The following KCNQ1 variants were observed in gnomAD, a reference collection of about 807,000 sequenced individuals.
The protein encoded by KCNQ1 is potassium voltage-gated channel subfamily KQT member 1.
A neutral mutation model predicts 72.4 loss-of-function variants in KCNQ1; 49 were observed. That is an observed-to-expected ratio of 0.68 (90% CI 0.54 to 0.86). The LOEUF (loss-of-function observed/expected upper bound fraction) is 0.86, where lower values mean the gene tolerates loss of function less well. Among genes scored for constraint, KCNQ1 ranks in the 40% least tolerant of loss-of-function variants. KCNQ1 has a pLI of 0.00. For missense variants in KCNQ1, 790 were observed against 945.1 expected (o/e 0.84, Z 2.15); for synonymous variants, 450 against 412.6 (o/e 1.09, Z -1.10).
rs1221864693 is a variant in KCNQ1, at chr11:2,598,270, T to C, written c.1393+9416T>C. 6.6e-6 allele frequency among the ~76,000 whole-genome samples: 1 copy of C among 152,176 alleles called. No individual in the cohort carries two copies. Among genetic ancestry groups the C allele is most frequent in the Non-Finnish European group, 1.5e-5 (1 of 68,020 alleles). Reference sequence around the variant, plus strand: ...CATTGCTTTCTTGATAGTTTTAATTTTGTGTTTTGATTTTTCTCTTTAGAG... The same window carrying C: ...CATTGCTTTCTTGATAGTTTTAATTCTGTGTTTTGATTTTTCTCTTTAGAG... On this transcript the variant is annotated intron_variant, in intron 10 of 15. Coordinates refer to ENST00000155840, the MANE Select transcript of KCNQ1 (RefSeq NM_000218.3). The surrounding 1 kb of genome is among the most constrained non-coding windows in gnomAD (Gnocchi z 6.2).
In KCNQ1 at chr11:2,547,902, C is replaced by T. The variant is rs745401591; in HGVS notation, c.477+19884C>T. On this transcript the variant is annotated intron_variant, in intron 2 of 15. Transcript: ENST00000155840. This position sits in a 1 kb window ranked among gnomAD's most constrained non-coding sequence, Gnocchi z 4.2. ...AGAGAGCATGGCACGTGCCAAGACC[C>T]GGATGGGGCGTGTGCCTGGCGCGGG... Among the ~76,000 whole-genome samples the T allele has an allele frequency of 1.2e-4, 19 of 152,176 alleles. 1 individual carries two copies. The highest frequency in any genetic ancestry group is 1.2e-3 in the South Asian group (6 of 4,830).
At chr11:2,770,278 C>G (rs575154525) in intron 12 of KCNQ1, among the ~76,000 whole-genome samples, 172 of 152,302 alleles carry the variant, frequency 1.1e-3, no homozygotes, top group African/African-American at 4.0e-3. Flanking sequence ...CAGACCCTGG[C>G]ACAGGCAGCC....
chr11:2,667,602 G>T (rs536625418), intron 11 of KCNQ1: 3 of 398,438 alleles, frequency 7.5e-6, no homozygotes, highest in Non-Finnish European at 1.3e-5. Context: ...TGGGCGGGGG[G>T]CACATCCCAT....
chr11:2,583,121 G>A (rs924160355), intron 6 of KCNQ1, among the ~76,000 whole-genome samples: 4 of 152,136 alleles, frequency 2.6e-5, no homozygotes, highest in East Asian at 1.9e-4. Flanking sequence ...GGACAGGCAG[G>A]CAGATGAGGC....
At chr11:2,523,354 C>T (rs1038820933) in intron 1 of KCNQ1, among the ~76,000 whole-genome samples, 3 of 152,102 alleles carry the variant, frequency 2.0e-5, no homozygotes, top group African/African-American at 4.8e-5. Flanking sequence ...CCACCACCCA[C>T]GCCCAGTTAA....
rs972225058 is a variant in KCNQ1, at chr11:2,471,122, A to G, written c.386+25638A>G. ...CTACCCGCCCTCACCACCCTGTATC[A>G]ACTCATCTCATCGATATCTCCCAAC... On this transcript the variant is annotated intron_variant, in intron 1 of 15. Transcript: ENST00000155840. The surrounding 1 kb of genome is among the most constrained non-coding windows in gnomAD (Gnocchi z 4.8). Among the ~76,000 whole-genome samples the G allele has an allele frequency of 2.0e-5, 3 of 150,930 alleles. No individual in the cohort carries two copies. The highest frequency in any genetic ancestry group is 7.3e-5 in the African/African-American group (3 of 40,922).
In KCNQ1 at chr11:2,735,630, G is replaced by A. The variant is rs917182183; in HGVS notation, c.1515-33214G>A. Among the ~76,000 whole-genome samples the A allele has an allele frequency of 6.6e-6, 1 of 152,084 alleles. No individual in the cohort carries two copies. Among genetic ancestry groups the A allele is most frequent in the Admixed American group, 6.5e-5 (1 of 15,276 alleles). Reference sequence around the variant, plus strand: ...CTGGGGGATGACATGAGTCCACTCCGCTGTCACCACCAAGACCACAGTGGG... The same window carrying A: ...CTGGGGGATGACATGAGTCCACTCCACTGTCACCACCAAGACCACAGTGGG... On this transcript the variant is annotated intron_variant, in intron 11 of 15. Coordinates refer to ENST00000155840, the MANE Select transcript of KCNQ1 (RefSeq NM_000218.3). This position sits in a 1 kb window ranked among gnomAD's most constrained non-coding sequence, Gnocchi z 7.7.
chr11:2,672,715 C>A, intron 11 of KCNQ1: 1 of 398,904 alleles, frequency 2.5e-6, no homozygotes, highest in South Asian at 1.3e-4. Context: ...GGCCAGATGT[C>A]AGGTTCCAGA....
intron 1 of KCNQ1, among the ~76,000 whole-genome samples, chr11:2,522,814 CGCGATTCCACT>C (rs1272877830): frequency 6.6e-6 from 1 of 152,244 alleles, no homozygotes; most frequent in East Asian, 1.9e-4. Context: ...CTGCCTCAGC[CGCGATTCCACT>C]GCACGGGACT....
chr11:2,535,533 C>T (rs933789117), intron 2 of KCNQ1, among the ~76,000 whole-genome samples: 6 of 152,224 alleles, frequency 3.9e-5, no homozygotes, highest in African/African-American at 1.4e-4. Flanking sequence ...TCCCTCCTGC[C>T]TTCCCCTTTA....
chr11:2,689,064 C>G, intron 11 of KCNQ1: 1 of 398,896 alleles, frequency 2.5e-6, no homozygotes, highest in Middle Eastern at 6.3e-4. Context: ...ACCTCCTCCT[C>G]CCCGGTGGCA....
rs963755633 is a variant in KCNQ1, at chr11:2,596,755, G to T, written c.1393+7901G>T. On this transcript the variant is annotated intron_variant, in intron 10 of 15. Transcript: ENST00000155840. ...GCACAAAAAAACTTTTGGGGCAGTG[G>T]ATATGTTCATTATCATAATCATGGC... Among the ~76,000 whole-genome samples, 52 of 152,124 alleles carry T rather than the reference G, an allele frequency of 3.4e-4. 2 individuals are homozygous for T. The highest frequency in any genetic ancestry group is 2.7e-3 in the Admixed American group (41 of 15,268).
chr11:2,559,706 G>A lies in KCNQ1; in HGVS notation c.478-10922G>A, dbSNP rs1177738484. Among the ~76,000 whole-genome samples the A allele has an allele frequency of 6.6e-6, 1 of 152,186 alleles. No individual in the cohort carries two copies. Among genetic ancestry groups the A allele is most frequent in the African/African-American group, 2.4e-5 (1 of 41,436 alleles). ...GGAAAGCGGCCTCGTGCCTCCCAGA[G>A]TCACCCCGAAATCATTAACGGGGAG... On this transcript the variant is annotated intron_variant, in intron 2 of 15. Transcript: ENST00000155840. The surrounding 1 kb of genome is among the most constrained non-coding windows in gnomAD (Gnocchi z 4.9).
intron 15 of KCNQ1, among the ~76,000 whole-genome samples, chr11:2,836,143 T>C (rs1848062703): frequency 6.6e-6 from 1 of 151,546 alleles, no homozygotes; most frequent in East Asian, 2.0e-4. Flanking sequence ...GGTGGAAGAG[T>C]TGAAAGCAGC....
chr11:2,534,133 T>C (rs1294690532), intron 2 of KCNQ1, among the ~76,000 whole-genome samples: 2 of 151,928 alleles, frequency 1.3e-5, no homozygotes, highest in African/African-American at 4.8e-5. Flanking sequence ...TCAGTTTCCC[T>C]CCCAGCAGCA....
chr11:2,656,729 C>T (rs923193699), intron 10 of KCNQ1: 52 of 398,366 alleles, frequency 1.3e-4, no homozygotes, highest in African/African-American at 1.0e-3. Flanking sequence ...ACTCTAATGT[C>T]AAATTACTCA....
At chr11:2,756,827 T>G (rs1376395203) in intron 11 of KCNQ1, among the ~76,000 whole-genome samples, 1 of 152,018 alleles carries the variant, frequency 6.6e-6, no homozygotes, top group Non-Finnish European at 1.5e-5. Context: ...TATGACATTT[T>G]ATAAGAAAAT....
Position 2,693,944 on chromosome 11 carries a change from T to C in KCNQ1, c.1514+31863T>C, listed in dbSNP as rs371704240. 5.3e-5 allele frequency: 21 copies of C among 398,698 alleles called. 2 individuals are homozygous for C. Among genetic ancestry groups the C allele is most frequent in the African/African-American group, 3.7e-4 (18 of 48,740 alleles). 24.7% of individuals were successfully genotyped at this position (398,698 alleles called of 1,614,324 possible). A position where few individuals can be genotyped will look rare whatever the true frequency, so the allele number is the denominator to read the frequency against. The stretch of plus-strand genomic sequence containing the variant: ...GGATCCGGTATCCGCTGAGAACCAC[T>C]CATTCATCAGTCTGCACTAACTGGA... On this transcript the variant is annotated intron_variant, in intron 11 of 15. Coordinates refer to ENST00000155840, the MANE Select transcript of KCNQ1 (RefSeq NM_000218.3).
At chr11:2,718,232 C>T (rs1322998119) in intron 11 of KCNQ1, among the ~76,000 whole-genome samples, 1 of 152,216 alleles carries the variant, frequency 6.6e-6, no homozygotes, top group African/African-American at 2.4e-5. Context: ...ACATCCCCCT[C>T]ACACACCTTG....
Sources: allele counts gnomAD v4.1 joint callset (sites outside exome capture counted in the v4.1 genomes callset), GRCh38; gene constraint gnomAD v4.1.1; non-coding constraint Gnocchi (gnomAD v3.1); transcripts MANE v1.5; gene names NCBI Gene and HGNC (gene_info 2026-07-23, HGNC 2026-07-21).